Variants in KCNH5 observed in about 807,000 individuals in gnomAD.
The protein encoded by KCNH5 is voltage-gated delayed rectifier potassium channel KCNH5.
A neutral mutation model predicts 96.1 loss-of-function variants in KCNH5; 46 were observed. That is an observed-to-expected ratio of 0.48 (90% CI 0.38 to 0.61). The LOEUF (loss-of-function observed/expected upper bound fraction) is 0.61. Ranked by LOEUF, KCNH5 falls within the 20% of genes least tolerant of loss-of-function variation. The pLI, the probability that KCNH5 is intolerant of heterozygous loss-of-function variation, is 0.00. For missense variants in KCNH5, 907 were observed against 1,225.8 expected (o/e 0.74, Z 3.88); for synonymous variants, 439 against 449.8 (o/e 0.98, Z 0.30).
At position 62,708,207 on chromosome 14, in the gene KCNH5, T is replaced by G. The variant is rs1163337914; in HGVS notation, c.2268A>C (p.Ser756=). 6.2e-7 allele frequency: 1 copy of G among 1,614,216 alleles called. No homozygotes were observed. The highest frequency in any genetic ancestry group is 8.5e-7 in the Non-Finnish European group (1 of 1,180,028). The part of the protein sequence containing the change: ...SITGTSVVTV[S]QITPIQTSLA... ...GAGACGTCTGAATGGGAGTAATCTG[T>G]GACACAGTCACCACGCTGGTTCCGG... Residue 756 remains serine, a synonymous_variant, in exon 11 of 11, where the codon TCA becomes TCC. Transcript: ENST00000322893.
At chr14:62,834,599 G>C (rs752331883) in intron 8 of KCNH5, among the ~76,000 whole-genome samples, 3 of 151,932 alleles carry the variant, frequency 2.0e-5, no homozygotes, top group Non-Finnish European at 4.4e-5. Flanking sequence ...TTTTAAATAG[G>C]ATAGAAATCT....
At chr14:62,846,665 C>T (rs1336366199) in intron 8 of KCNH5, among the ~76,000 whole-genome samples, 1 of 151,376 alleles carries the variant, frequency 6.6e-6, no homozygotes, top group African/African-American at 2.4e-5. Flanking sequence ...AACTTATATT[C>T]AGTCCTTATT....
intron 8 of KCNH5, among the ~76,000 whole-genome samples, chr14:62,812,792 C>T (rs1031296662): frequency 1.3e-5 from 2 of 152,070 alleles, no homozygotes; most frequent in Non-Finnish European, 2.9e-5. Context: ...ATTATTTACA[C>T]TTATCTATGT....
chr14:62,817,330 T>C (rs1219650421), intron 8 of KCNH5, among the ~76,000 whole-genome samples: 1 of 143,212 alleles, frequency 7.0e-6, no homozygotes, highest in Non-Finnish European at 1.5e-5. Flanking sequence ...AAATAAGAAG[T>C]TCAATAAATA....
At chr14:62,759,237 C>T (rs1239525077) in intron 10 of KCNH5, among the ~76,000 whole-genome samples, 1 of 95,958 alleles carries the variant, frequency 1.0e-5, no homozygotes, top group Admixed American at 1.0e-4. Flanking sequence ...CAAAATTAGT[C>T]AGCTGTTTTT....
intron 10 of KCNH5, among the ~76,000 whole-genome samples, chr14:62,772,520 C>T (rs1886009865): frequency 6.6e-6 from 1 of 151,542 alleles, no homozygotes; most frequent in East Asian, 1.9e-4. Flanking sequence ...ACCTGTAATC[C>T]CAGCTACTCA....
At chr14:62,809,426 T>C (rs926824778) in intron 8 of KCNH5, among the ~76,000 whole-genome samples, 1 of 152,030 alleles carries the variant, frequency 6.6e-6, no homozygotes, top group African/African-American at 2.4e-5. Context: ...GCCTCATACC[T>C]TGCCTACACA....
At chr14:62,890,388 A>G (rs1405861944) in intron 7 of KCNH5, among the ~76,000 whole-genome samples, 1 of 152,186 alleles carries the variant, frequency 6.6e-6, no homozygotes, top group Non-Finnish European at 1.5e-5. Flanking sequence ...CAAGAGAAAA[A>G]CAACCCCATT....
At position 62,702,094 on chromosome 14, in the gene KCNH5, T is replaced by C. The variant is rs1884356873; in HGVS notation, c.*5414A>G. ...GAATGACTCTTGCTTTCCTTAACCA[T>C]TAGGCATTACCTCTTTAGGTTAAAA... is the stretch of plus-strand genomic sequence containing the variant. On this transcript the variant is annotated 3_prime_UTR_variant, in exon 11 of 11. Coordinates refer to ENST00000322893, the MANE Select transcript of KCNH5 (RefSeq NM_139318.5). The C allele has an allele frequency of 6.6e-6, 1 of 152,090 alleles. No homozygotes were observed. The allele number at this position is 152,090 out of a possible 1,614,324, so 9.4% of individuals were successfully genotyped here. A position where few individuals can be genotyped will look rare whatever the true frequency, so the allele number is the denominator to read the frequency against.
At chr14:63,034,032 G>C (rs1437480150) in intron 1 of KCNH5, among the ~76,000 whole-genome samples, 2 of 152,082 alleles carry the variant, frequency 1.3e-5, no homozygotes, top group Non-Finnish European at 2.9e-5. Context: ...TGATTCCCCT[G>C]CCTCAGCCTC....
At chr14:62,854,688 T>C (rs1211841115) in intron 7 of KCNH5, among the ~76,000 whole-genome samples, 1 of 152,036 alleles carries the variant, frequency 6.6e-6, no homozygotes, top group Non-Finnish European at 1.5e-5. Context: ...TCTTTTTATA[T>C]GCTCTCCTGC....
chr14:62,950,293 AT>A lies in KCNH5; in HGVS notation c.1208del (p.Asn403IlefsTer25), dbSNP rs1481611356. On this transcript the variant is annotated frameshift_variant, in exon 7 of 11. Coordinates refer to ENST00000322893, the MANE Select transcript of KCNH5 (RefSeq NM_139318.5). LOFTEE classifies it high-confidence loss of function. The part of the protein sequence containing the change: ...ALSIGTPYRY[N>X]TSAGIWEGGP... ...CTCCTTCCCATATCCCAGCACTGGT[AT>A]TGTAGCGATATGGAGTCCCAATGCT... 6.2e-7 allele frequency: 1 copy of A among 1,614,026 alleles called. No individual in the cohort carries two copies. Among genetic ancestry groups the A allele is most frequent in the Non-Finnish European group, 8.5e-7 (1 of 1,179,960 alleles).
intron 8 of KCNH5, among the ~76,000 whole-genome samples, chr14:62,815,054 T>C (rs371416946): frequency 2.0e-5 from 3 of 152,192 alleles, no homozygotes; most frequent in African/African-American, 7.2e-5. Context: ...AATAGATAAA[T>C]ATTAATACAT....
intron 7 of KCNH5, chr14:62,949,878 C>A: frequency 3.7e-6 from 1 of 273,270 alleles, no homozygotes. Flanking sequence ...TCTCTGGATG[C>A]TGGTCCTGGT....
chr14:62,825,304 T>C (rs1359430827), intron 8 of KCNH5, among the ~76,000 whole-genome samples: 2 of 152,150 alleles, frequency 1.3e-5, no homozygotes, highest in Admixed American at 1.3e-4. Context: ...CTGTTGTTTT[T>C]GACTTTTTAA....
chr14:62,770,483 C>G (rs897411583), intron 10 of KCNH5, among the ~76,000 whole-genome samples: 1 of 152,220 alleles, frequency 6.6e-6, no homozygotes, highest in African/African-American at 2.4e-5. Flanking sequence ...ACATTGCCAG[C>G]TGGCTTCAGT....
chr14:62,889,468 G>A (rs1424512614), intron 7 of KCNH5, among the ~76,000 whole-genome samples: 1 of 152,192 alleles, frequency 6.6e-6, no homozygotes, highest in Non-Finnish European at 1.5e-5. Context: ...AGGAAGCAAG[G>A]GAAAAGTCAA....
chr14:62,797,009 C>T (rs1224528549), intron 9 of KCNH5, among the ~76,000 whole-genome samples: 1 of 152,102 alleles, frequency 6.6e-6, no homozygotes, highest in East Asian at 1.9e-4. Context: ...CAGATTTGCC[C>T]TAAGCAGTTT....
At position 62,773,869 on chromosome 14, in the gene KCNH5, C is replaced by T. The variant is rs778473206; in HGVS notation, c.2019+5859G>A. ...CATTCTCTTTTACTCATAAAACATA[C>T]TGTCTGTAGGTTTCAGTATCTTTTA... On this transcript the variant is annotated intron_variant, in intron 10 of 10. Transcript: ENST00000322893. Among the ~76,000 whole-genome samples, 8 of 152,116 alleles carry T rather than the reference C, an allele frequency of 5.3e-5. No individual in the cohort carries two copies. The East Asian group carries it at 1.3e-3, about 26-fold the overall frequency.
Sources: allele counts gnomAD v4.1 joint callset (sites outside exome capture counted in the v4.1 genomes callset), GRCh38; gene constraint gnomAD v4.1.1; transcripts MANE v1.5; gene names NCBI Gene and HGNC (gene_info 2026-07-23, HGNC 2026-07-21).